The following PHF2 variants were observed in gnomAD, a reference collection of about 807,000 sequenced individuals.
The protein encoded by PHF2 is PHD finger protein 2, also known as lysine-specific demethylase PHF2.
A neutral mutation model predicts 120.5 loss-of-function variants in PHF2; 27 were observed. That is an observed-to-expected ratio of 0.22 (90% CI 0.17 to 0.31). The LOEUF (loss-of-function observed/expected upper bound fraction) is 0.31. Ranked by LOEUF, PHF2 falls within the 10% of genes least tolerant of loss-of-function variation. The pLI, the probability that PHF2 is intolerant of heterozygous loss-of-function variation, is 1.00. For missense variants in PHF2, 1,024 were observed against 1,434.8 expected (o/e 0.71, Z 4.63); for synonymous variants, 568 against 592.5 (o/e 0.96, Z 0.60).
Position 93,611,666 on chromosome 9 carries a change from A to G in PHF2, c.99-18304A>G, listed in dbSNP as rs541829530. Among the ~76,000 whole-genome samples, 10 of 152,126 alleles carry G rather than the reference A, an allele frequency of 6.6e-5. No homozygotes were observed. In the South Asian group the frequency reaches 1.5e-3, roughly 22 times the overall value. The stretch of plus-strand genomic sequence containing the variant: ...GCTAGGACTACAGGTGTATGCTACT[A>G]TGCCTGGCGCTTTTTTATTTTTATT... On this transcript the variant is annotated intron_variant, in intron 1 of 21. Transcript: ENST00000359246.
intron 1 of PHF2, among the ~76,000 whole-genome samples, chr9:93,586,243 G>T (rs1462298626): frequency 2.6e-5 from 4 of 152,230 alleles, no homozygotes; most frequent in Non-Finnish European, 5.9e-5. Flanking sequence ...ACCTTCCTTG[G>T]CTGGAGTCAG....
intron 1 of PHF2, among the ~76,000 whole-genome samples, chr9:93,597,241 TA>T (rs1209769418): frequency 1.3e-5 from 2 of 152,138 alleles, no homozygotes; most frequent in Non-Finnish European, 2.9e-5. Context: ...TGCCAAGTTT[TA>T]AAAAATCTTA....
chr9:93,593,281 A>G (rs1825270111), intron 1 of PHF2, among the ~76,000 whole-genome samples: 2 of 152,048 alleles, frequency 1.3e-5, no homozygotes, highest in South Asian at 4.1e-4. Flanking sequence ...CAGGTCATTA[A>G]TTACCCTCCA....
intron 1 of PHF2, among the ~76,000 whole-genome samples, chr9:93,584,992 T>C (rs1262573509): frequency 6.6e-6 from 1 of 152,270 alleles, no homozygotes; most frequent in Non-Finnish European, 1.5e-5. Flanking sequence ...TTTTGGACGC[T>C]ATGGTAAGTG....
intron 17 of PHF2, chr9:93,672,836 G>A (rs559999460): frequency 1.0e-6 from 1 of 981,600 alleles, no homozygotes; most frequent in Admixed American, 6.2e-5. Context: ...AGGAACAGGT[G>A]TAGATGCAGG....
At position 93,674,960 on chromosome 9, in the gene PHF2, C is replaced by T; in HGVS notation, c.2660C>T (p.Pro887Leu). The change falls in exon 19 of 22, where the codon CCC (proline) becomes CTC (leucine). Residue 887 changes from proline (P) to leucine (L), a missense_variant. Around this residue, in one of 2 missense-constraint regions of PHF2, gnomAD observed 677 missense variants for 857.4 expected, o/e 0.79. Coordinates refer to ENST00000359246, the MANE Select transcript of PHF2 (RefSeq NM_005392.4). ...TCACTGGAGTCAGATGAAGACAACC[C>T]CATCTTTAAGTCCCGGTCGAAGAAA... ...YPSLESDEDN[P>L]IFKSRSKKRK... The T allele has an allele frequency of 6.2e-7, 1 of 1,613,934 alleles. No individual in the cohort carries two copies. Among genetic ancestry groups the T allele is most frequent in the Non-Finnish European group, 8.5e-7 (1 of 1,179,946 alleles).
chr9:93,576,954 C>A, intron 1 of PHF2, 83 bp downstream of exon 1: 1 of 513,740 alleles, frequency 1.9e-6, no homozygotes, highest in Non-Finnish European at 2.5e-6. Flanking sequence ...CGGCTGCGCG[C>A]CCGCAGGCCC....
intron 1 of PHF2, among the ~76,000 whole-genome samples, chr9:93,629,011 C>G (rs946212951): frequency 1.3e-5 from 2 of 152,162 alleles, no homozygotes; most frequent in African/African-American, 4.8e-5. Context: ...ATACTCCCAC[C>G]TCAGCCTCCC....
Position 93,577,964 on chromosome 9 carries a change from C to A in PHF2, c.98+1093C>A, listed in dbSNP as rs554038873. Among the ~76,000 whole-genome samples the A allele has an allele frequency of 2.0e-5, 3 of 152,172 alleles. No homozygotes were observed. In the South Asian group the frequency reaches 6.2e-4, roughly 32 times the overall value. ...CTCTGGGGCTCCAGTCCCAAACCAC[C>A]GGCAGCAAGCAGCCGGGGGAAAGAG... On this transcript the variant is annotated intron_variant, in intron 1 of 21. Coordinates refer to ENST00000359246, the MANE Select transcript of PHF2 (RefSeq NM_005392.4).
intron 2 of PHF2, among the ~76,000 whole-genome samples, chr9:93,631,291 G>A (rs569868600): frequency 3.0e-4 from 45 of 152,290 alleles, no homozygotes; most frequent in African/African-American, 1.0e-3. Flanking sequence ...GCTGGACAGC[G>A]GTGGGGGCTG....
rs958140160 is a variant in PHF2 at position 93,576,794 on chromosome 9, C to T, written c.21C>T (p.Tyr7=). Residue 7 remains tyrosine, a synonymous_variant, in exon 1 of 22, where the codon TAC becomes TAT. Coordinates refer to ENST00000359246, the MANE Select transcript of PHF2 (RefSeq NM_005392.4). MATVPV[Y]CVCRLPYDVT... ...GCAACATGGCGACGGTGCCCGTGTA[C>T]TGCGTCTGCCGGCTCCCCTACGACG... 8 of 1,282,128 alleles carry T rather than the reference C, an allele frequency of 6.2e-6. No homozygotes were observed. Among genetic ancestry groups the T allele is most frequent in the South Asian group, 1.2e-5 (1 of 80,522 alleles). 79.4% of individuals were successfully genotyped at this position (1,282,128 alleles called of 1,614,324 possible).
At position 93,663,629 on chromosome 9, in the gene PHF2, T is replaced by C; in HGVS notation, c.1931T>C (p.Leu644Pro). ...KFSFSFSNKK[L>P]LGSKALRPPT... ...TCTTTTTCTTTCTCCAACAAGAAAC[T>C]CCTCGGGTATGTGAGTGCCTGGATG... The change falls in exon 14 of 22, where the codon CTC (leucine) becomes CCC (proline). Residue 644 changes from leucine (L) to proline (P), a missense_variant. Physicochemically the swap from Leu to Pro is moderately conservative, Grantham distance 98. Around this residue, in one of 2 missense-constraint regions of PHF2, gnomAD observed 677 missense variants for 857.4 expected, o/e 0.79. Coordinates refer to ENST00000359246, the MANE Select transcript of PHF2 (RefSeq NM_005392.4). 1 of 1,603,410 alleles carries C rather than the reference T, an allele frequency of 6.2e-7. No individual in the cohort carries two copies. The highest frequency in any genetic ancestry group is 2.2e-5 in the East Asian group (1 of 44,810).
rs546161241 is a variant in PHF2, at chr9:93,679,424, A to T, written c.*1748A>T. 5.5e-5 allele frequency: 17 copies of T among 309,084 alleles called. No homozygotes were observed. Among genetic ancestry groups the T allele is most frequent in the Non-Finnish European group, 8.8e-5 (14 of 158,782 alleles). 19.1% of individuals were successfully genotyped at this position (309,084 alleles called of 1,614,324 possible). Reference sequence around the variant, plus strand: ...CTCTCTCTCTCTTTTTTTTAATTTTATTATTATTATTTTGGCAACATGTAC... The same window carrying T: ...CTCTCTCTCTCTTTTTTTTAATTTTTTTATTATTATTTTGGCAACATGTAC... On this transcript the variant is annotated 3_prime_UTR_variant, in exon 22 of 22. Coordinates refer to ENST00000359246, the MANE Select transcript of PHF2 (RefSeq NM_005392.4).
At chr9:93,614,688 T>C (rs1243070451) in intron 1 of PHF2, among the ~76,000 whole-genome samples, 1 of 152,334 alleles carries the variant, frequency 6.6e-6, no homozygotes, top group East Asian at 1.9e-4. Flanking sequence ...GTTTTTTCTG[T>C]CCATGGAGTG....
chr9:93,636,988 G>C (rs1397781408), intron 3 of PHF2, among the ~76,000 whole-genome samples: 1 of 152,246 alleles, frequency 6.6e-6, no homozygotes, highest in East Asian at 1.9e-4. Context: ...TTGGCCACAG[G>C]AAGGACACAG....
intron 1 of PHF2, among the ~76,000 whole-genome samples, chr9:93,617,264 A>G (rs1240017234): frequency 6.6e-6 from 1 of 152,222 alleles, no homozygotes; most frequent in Non-Finnish European, 1.5e-5. Flanking sequence ...CCGCAGCTCC[A>G]TGAGCAGGGC....
At chr9:93,595,196 T>G (rs1429213060) in intron 1 of PHF2, among the ~76,000 whole-genome samples, 3 of 152,214 alleles carry the variant, frequency 2.0e-5, no homozygotes, top group African/African-American at 7.2e-5. Flanking sequence ...ATTCAGGTAT[T>G]TATAGATACT....
intron 1 of PHF2, among the ~76,000 whole-genome samples, chr9:93,626,607 T>C (rs1008898686): frequency 1.3e-5 from 2 of 152,240 alleles, no homozygotes; most frequent in Non-Finnish European, 2.9e-5. Flanking sequence ...TAGCAATTTT[T>C]TCTTTTGTTG....
chr9:93,614,899 A>T (rs1288297180), intron 1 of PHF2, among the ~76,000 whole-genome samples: 1 of 150,478 alleles, frequency 6.6e-6, no homozygotes, highest in South Asian at 2.1e-4. Flanking sequence ...GATGGTAATG[A>T]TGGTGATGAT....
Sources: gnomAD v4.1 joint callset for allele counts (sites outside exome capture counted in the v4.1 genomes callset) on GRCh38, gnomAD v4.1.1 for gene constraint, gnomAD v4.1.1 regional missense constraint, MANE v1.5 for transcripts, NCBI Gene and HGNC (gene_info 2026-07-23, HGNC 2026-07-21) for gene names.